PTPRD: variants seen among roughly 807,000 people sequenced by gnomAD.
PTPRD encodes receptor-type tyrosine-protein phosphatase delta.
PTPRD carries 34 observed loss-of-function variants against 214.5 expected under a neutral mutation model. The observed-to-expected ratio is 0.16, with a 90% CI of 0.12 to 0.21. PTPRD has a LOEUF of 0.21. Ranked by LOEUF, PTPRD falls within the 10% of genes least tolerant of loss-of-function variation. PTPRD has a pLI of 1.00. For missense variants in PTPRD, 2,545 were observed against 2,398.7 expected, an observed-to-expected ratio of 1.06 and a Z score of -1.27; for synonymous variants, 1,128 against 845.7, an observed-to-expected ratio of 1.33 and a Z score of -5.79.
chr9:9,726,673 T>C (rs911195124), intron 7 of PTPRD, among the ~76,000 whole-genome samples: 15 of 152,196 alleles, frequency 9.9e-5, no homozygotes, highest in Admixed American at 3.3e-4. Flanking sequence ...AGAAATAATA[T>C]GTGAAAAGAC....
At chr9:9,237,838 G>A (rs951170367) in intron 9 of PTPRD, among the ~76,000 whole-genome samples, 1 of 152,060 alleles carries the variant, frequency 6.6e-6, no homozygotes, top group Non-Finnish European at 1.5e-5. Flanking sequence ...TTGTTGCCAT[G>A]ATTTTTGATG....
At chr9:9,431,820 G>T (rs1041734562) in intron 8 of PTPRD, among the ~76,000 whole-genome samples, 14 of 146,460 alleles carry the variant, frequency 9.6e-5, no homozygotes, top group Non-Finnish European at 1.0e-4. Flanking sequence ...ACCATACAGT[G>T]CATGTTCTCT....
intron 4 of PTPRD, among the ~76,000 whole-genome samples, chr9:9,945,129 A>G (rs2092366014): frequency 1.3e-5 from 2 of 152,092 alleles, no homozygotes; most frequent in Non-Finnish European, 2.9e-5. Flanking sequence ...AGAGGTTACC[A>G]TTTTTCAGTT....
chr9:10,104,305 G>A (rs925904666), intron 3 of PTPRD, among the ~76,000 whole-genome samples: 3 of 151,536 alleles, frequency 2.0e-5, no homozygotes, highest in African/African-American at 4.8e-5. Flanking sequence ...AGTTACAAAT[G>A]GTTAAGGTGA....
In PTPRD at chr9:10,373,740, G is replaced by C. The variant is rs372813780; in HGVS notation, c.-599-32723C>G. Among the ~76,000 whole-genome samples, 22 of 151,518 alleles carry C rather than the reference G, an allele frequency of 1.5e-4. 1 individual carries two copies. The highest frequency in any genetic ancestry group is 4.4e-4 in the African/African-American group (18 of 41,286). ...CTTTCTTGAGACATACCACCTTTAC[G>C]CCTTGCCATATTTCTCAGTTTGTGT... On this transcript the variant is annotated intron_variant, in intron 2 of 45. Transcript: ENST00000381196.
rs192037573 is a variant in PTPRD, at chr9:9,965,598, G to A, written c.-471-26988C>T. Among the ~76,000 whole-genome samples, 217 of 152,210 alleles carry A rather than the reference G, an allele frequency of 1.4e-3. 1 individual carries two copies. Among genetic ancestry groups the A allele is most frequent in the African/African-American group, 4.8e-3 (201 of 41,520 alleles). On this transcript the variant is annotated intron_variant, in intron 4 of 45. Transcript: ENST00000381196. ...TATTAAGGAAAGGCAATATTTTTCTGTTCTATTACCTACTCCTTCTTTTCT... is the reference window on the plus strand; with the variant it reads ...TATTAAGGAAAGGCAATATTTTTCTATTCTATTACCTACTCCTTCTTTTCT...
intron 2 of PTPRD, among the ~76,000 whole-genome samples, chr9:10,501,708 G>T (rs2043775546): frequency 6.6e-6 from 1 of 151,818 alleles, no homozygotes; most frequent in African/African-American, 2.4e-5. Flanking sequence ...GTACTGATAG[G>T]GAACAAAATA....
intron 11 of PTPRD, among the ~76,000 whole-genome samples, chr9:8,811,422 A>G (rs1196260853): frequency 1.3e-5 from 2 of 152,210 alleles, no homozygotes; most frequent in African/African-American, 4.8e-5. Context: ...AAATCTGCCA[A>G]CTGAATTAGT....
intron 6 of PTPRD, among the ~76,000 whole-genome samples, chr9:9,744,109 A>G (rs1401294706): frequency 6.6e-6 from 1 of 152,078 alleles, no homozygotes; most frequent in Non-Finnish European, 1.5e-5. Flanking sequence ...AATACTTATT[A>G]CCACCATTTT....
Position 8,373,612 on chromosome 9 carries a change from GGTGTGTGTGTGTGTGTGTGTGTGT to G in PTPRD, c.4661+2300_4661+2323del, listed in dbSNP as rs36212158. 9.2e-5 allele frequency among the ~76,000 whole-genome samples: 13 copies of G among 141,572 alleles called. 1 individual carries two copies. The South Asian group carries it at 2.5e-3, about 27-fold the overall frequency. 92.9% of individuals were successfully genotyped at this position (141,572 alleles called of 152,430 possible). A position where few individuals can be genotyped will look rare whatever the true frequency, so the allele number is the denominator to read the frequency against. Reference sequence around the variant, plus strand: ...GGTGGCTTAACATAACATGGATGCGGGTGTGTGTGTGTGTGTGTGTGTGTGTGTGTGTGTGTGTGTGTGTATTTT... The same window carrying G: ...GGTGGCTTAACATAACATGGATGCGGGTGTGTGTGTGTGTGTGTGTATTTT... On this transcript the variant is annotated intron_variant, in intron 39 of 45. Coordinates refer to ENST00000381196, the MANE Select transcript of PTPRD (RefSeq NM_002839.4).
At chr9:10,030,366 T>C (rs2097033748) in intron 4 of PTPRD, among the ~76,000 whole-genome samples, 1 of 152,178 alleles carries the variant, frequency 6.6e-6, no homozygotes, top group African/African-American at 2.4e-5. Context: ...ATAATATGAA[T>C]TCAATTTTCA....
At position 8,621,235 on chromosome 9, in the gene PTPRD, T is replaced by TG. The variant is rs200676981; in HGVS notation, c.352+12081dup. On this transcript the variant is annotated intron_variant, in intron 14 of 45. Coordinates refer to ENST00000381196, the MANE Select transcript of PTPRD (RefSeq NM_002839.4). ...GCACCCGAGTATGGCAAGAGTTTGG[T>TG]GGGGGTCTTCGAACAAGAATTCATC... 6.7e-3 allele frequency among the ~76,000 whole-genome samples: 1,021 copies of TG among 151,894 alleles called. 6 individuals are homozygous for TG. The highest frequency in any genetic ancestry group is 9.0e-3 in the Non-Finnish European group (613 of 67,872).
intron 3 of PTPRD, among the ~76,000 whole-genome samples, chr9:10,144,512 A>G (rs2099009151): frequency 6.6e-6 from 1 of 152,030 alleles, no homozygotes; most frequent in Non-Finnish European, 1.5e-5. Flanking sequence ...ATTGTCTAAA[A>G]ATAGACCTCA....
At chr9:8,410,143 G>GAAAAGACC (rs2093397925) in intron 35 of PTPRD, among the ~76,000 whole-genome samples, 1 of 152,120 alleles carries the variant, frequency 6.6e-6, no homozygotes. Context: ...TGCCCATTTG[G>GAAAAGACC]AAAAGACCAC....
At chr9:10,553,170 G>C (rs2061723164) in intron 2 of PTPRD, among the ~76,000 whole-genome samples, 1 of 152,074 alleles carries the variant, frequency 6.6e-6, no homozygotes, top group African/African-American at 2.4e-5. Context: ...AGAGAATGTA[G>C]TAGGATACAG....
chr9:8,832,367 A>C (rs1009779604), intron 11 of PTPRD, among the ~76,000 whole-genome samples: 1 of 151,968 alleles, frequency 6.6e-6, no homozygotes, highest in Non-Finnish European at 1.5e-5. Context: ...AAGCAGAAAA[A>C]CAAAAAGATG....
At chr9:8,924,568 G>A (rs4385516) in intron 11 of PTPRD, among the ~76,000 whole-genome samples, 6,609 of 152,166 alleles carry the variant, frequency 0.043, 462 homozygotes, top group African/African-American at 0.15. Context: ...CAACTCCTTT[G>A]TCTTGTCTTA....
At chr9:9,264,226 G>A (rs145246579) in intron 9 of PTPRD, among the ~76,000 whole-genome samples, 238 of 151,718 alleles carry the variant, frequency 1.6e-3, no homozygotes, top group South Asian at 3.5e-3. Flanking sequence ...GGACATCTAT[G>A]AACTGCTCAA....
intron 3 of PTPRD, among the ~76,000 whole-genome samples, chr9:10,237,126 T>C (rs1428443776): frequency 1.3e-5 from 2 of 151,842 alleles, no homozygotes; most frequent in Non-Finnish European, 2.9e-5. Flanking sequence ...CTATGACAAA[T>C]ATGCCGCTCT....
Sources: gnomAD v4.1 joint callset for allele counts (sites outside exome capture counted in the v4.1 genomes callset) on GRCh38, gnomAD v4.1.1 for gene constraint, MANE v1.5 for transcripts, NCBI Gene and HGNC (gene_info 2026-07-23, HGNC 2026-07-21) for gene names.